The following PPP2R2A variants were observed in gnomAD, a reference collection of about 807,000 sequenced individuals.
PPP2R2A encodes the protein protein phosphatase 2 regulatory subunit Balpha.
PPP2R2A carries 9 observed loss-of-function variants against 53.2 expected under a neutral mutation model. The ratio of observed to expected loss-of-function variants is 0.17; its 90% CI spans 0.10 to 0.30. The LOEUF (loss-of-function observed/expected upper bound fraction) is 0.30. PPP2R2A is among the 10% of genes least tolerant of loss of function. The pLI is 1.00. For synonymous variants in PPP2R2A, 169 were observed against 174.2 expected (o/e 0.97, Z 0.23); for missense variants, 235 against 534.6 (o/e 0.44, Z 5.53).
chr8:26,300,003 ACAGT>A (rs1279504228), intron 2 of PPP2R2A, among the ~76,000 whole-genome samples: 3 of 152,236 alleles, frequency 2.0e-5, no homozygotes, highest in African/African-American at 7.2e-5. Context: ...CTCACTCAGT[ACAGT>A]CACTTAAAGT....
At chr8:26,299,931 C>T (rs1006898713) in intron 2 of PPP2R2A, among the ~76,000 whole-genome samples, 6 of 152,076 alleles carry the variant, frequency 3.9e-5, no homozygotes, top group African/African-American at 1.4e-4. Context: ...ATATCCTTAC[C>T]TTGTATGACA....
chr8:26,331,741 G>T (rs1230577297), intron 2 of PPP2R2A, among the ~76,000 whole-genome samples: 1 of 152,176 alleles, frequency 6.6e-6, no homozygotes, highest in Non-Finnish European at 1.5e-5. Flanking sequence ...GCAGCCCTTT[G>T]TGGCAGTATT....
At chr8:26,368,846 C>T (rs1380699346) in intron 9 of PPP2R2A, among the ~76,000 whole-genome samples, 1 of 152,118 alleles carries the variant, frequency 6.6e-6, no homozygotes, top group African/African-American at 2.4e-5. Flanking sequence ...GTGGCTCACG[C>T]CTGTAATCCC....
intron 2 of PPP2R2A, among the ~76,000 whole-genome samples, chr8:26,326,094 C>A (rs1444593742): frequency 6.6e-6 from 1 of 152,188 alleles, no homozygotes; most frequent in African/African-American, 2.4e-5. Flanking sequence ...ACTTTGGCCT[C>A]CCAAAATGCT....
rs1241450223 is a variant in PPP2R2A at position 26,372,440 on chromosome 8, TTTGA to T, written c.*2033_*2036del. The T allele has an allele frequency of 6.6e-6, 1 of 152,206 alleles. No individual in the cohort carries two copies. Among genetic ancestry groups the T allele is most frequent in the Non-Finnish European group, 1.5e-5 (1 of 68,038 alleles). The allele number at this position is 152,206 out of a possible 1,614,324, so 9.4% of individuals were successfully genotyped here. ...ACCAAACAGCTCTCAGAAATTCTTT[TTTGA>T]TTGATCAGTAGCTATGATGATTCTC... On this transcript the variant is annotated 3_prime_UTR_variant, in exon 10 of 10. Transcript: ENST00000380737.
chr8:26,370,787 C>A lies in PPP2R2A; in HGVS notation c.*374C>A. 1 of 244,380 alleles carries A rather than the reference C, an allele frequency of 4.1e-6. No individual in the cohort carries two copies. Among genetic ancestry groups the A allele is most frequent in the Non-Finnish European group, 8.1e-6 (1 of 122,738 alleles). The allele number at this position is 244,380 out of a possible 1,614,324, so 15.1% of individuals were successfully genotyped here. A position where few individuals can be genotyped will look rare whatever the true frequency, so the allele number is the denominator to read the frequency against. Reference sequence around the variant, plus strand: ...CATGCTATGGGATTTAATTGTGTATCCTCATTACTGTATCATTTGTGGGGT... The same window carrying A: ...CATGCTATGGGATTTAATTGTGTATACTCATTACTGTATCATTTGTGGGGT... On this transcript the variant is annotated 3_prime_UTR_variant, in exon 10 of 10. Transcript: ENST00000380737. The surrounding 1 kb of genome is among the most constrained non-coding windows in gnomAD (Gnocchi z 6.1).
At chr8:26,322,944 A>G (rs1265363712) in intron 2 of PPP2R2A, among the ~76,000 whole-genome samples, 1 of 152,236 alleles carries the variant, frequency 6.6e-6, no homozygotes, top group Non-Finnish European at 1.5e-5. Flanking sequence ...ACCAAGTTTC[A>G]TTCTCAGCCC....
intron 2 of PPP2R2A, among the ~76,000 whole-genome samples, chr8:26,320,409 G>C (rs778936841): frequency 6.6e-6 from 1 of 152,216 alleles, no homozygotes; most frequent in Non-Finnish European, 1.5e-5. Context: ...GCTATTGGGA[G>C]AGGGTAAAAG....
At chr8:26,351,470 A>G (rs1804508940) in intron 3 of PPP2R2A, among the ~76,000 whole-genome samples, 1 of 152,258 alleles carries the variant, frequency 6.6e-6, no homozygotes, top group Non-Finnish European at 1.5e-5. Context: ...CTAGTGCTCA[A>G]CATGACTAGT....
intron 2 of PPP2R2A, among the ~76,000 whole-genome samples, chr8:26,296,848 T>G (rs1209720442): frequency 6.6e-6 from 1 of 152,180 alleles, no homozygotes; most frequent in African/African-American, 2.4e-5. Context: ...AAAATAAAAA[T>G]TTAAAACGCT....
intron 9 of PPP2R2A, among the ~76,000 whole-genome samples, chr8:26,368,265 T>C (rs1268362395): frequency 6.6e-6 from 1 of 152,232 alleles, no homozygotes; most frequent in African/African-American, 2.4e-5. Context: ...CATTACTAAA[T>C]AGATAATAAT....
intron 2 of PPP2R2A, among the ~76,000 whole-genome samples, chr8:26,310,946 A>G (rs1802264232): frequency 6.6e-6 from 1 of 152,164 alleles, no homozygotes; most frequent in South Asian, 2.1e-4. Context: ...TCTGAATCAT[A>G]CATTGTAGTG....
chr8:26,341,820 G>A (rs1803957519), intron 3 of PPP2R2A, among the ~76,000 whole-genome samples: 1 of 152,136 alleles, frequency 6.6e-6, no homozygotes, highest in Admixed American at 6.5e-5. Context: ...GTCTTTACTT[G>A]GAAGAAGAAG....
intron 3 of PPP2R2A, among the ~76,000 whole-genome samples, chr8:26,352,709 AGTAGACCT>A (rs1453720044): frequency 6.6e-6 from 1 of 152,202 alleles, no homozygotes; most frequent in Non-Finnish European, 1.5e-5. Context: ...TACCATGTTT[AGTAGACCT>A]GTGTTGTTGT....
rs1805655925 is a variant in PPP2R2A at position 26,371,295 on chromosome 8, C to T, written c.*882C>T. On this transcript the variant is annotated 3_prime_UTR_variant, in exon 10 of 10. Coordinates refer to ENST00000380737, the MANE Select transcript of PPP2R2A (RefSeq NM_002717.4). ...ATGCAGGAGGAGAGGTATTGGTTCT[C>T]TATGAACATATTTTGAATATAGGTT... The T allele has an allele frequency of 6.7e-6, 1 of 148,796 alleles. No homozygotes were observed. Among genetic ancestry groups the T allele is most frequent in the Non-Finnish European group, 1.5e-5 (1 of 67,536 alleles). 9.2% of individuals were successfully genotyped at this position (148,796 alleles called of 1,614,324 possible).
chr8:26,336,141 G>A (rs1441257611), intron 2 of PPP2R2A, among the ~76,000 whole-genome samples: 1 of 152,082 alleles, frequency 6.6e-6, no homozygotes, highest in Non-Finnish European at 1.5e-5. Context: ...TAAGGGCTGG[G>A]TGTTGTGTTT....
intron 3 of PPP2R2A, among the ~76,000 whole-genome samples, chr8:26,353,973 C>T (rs947691030): frequency 1.2e-4 from 18 of 151,812 alleles, no homozygotes; most frequent in African/African-American, 2.9e-4. Flanking sequence ...CTTTCAGCAG[C>T]GAAATAACCA....
At chr8:26,324,044 A>G (rs1258878133) in intron 2 of PPP2R2A, among the ~76,000 whole-genome samples, 3 of 152,140 alleles carry the variant, frequency 2.0e-5, no homozygotes, top group African/African-American at 7.2e-5. Flanking sequence ...CATTGCCACC[A>G]TTTGTCTTAC....
intron 2 of PPP2R2A, among the ~76,000 whole-genome samples, chr8:26,310,578 A>G (rs1435611136): frequency 6.6e-6 from 1 of 151,876 alleles, no homozygotes; most frequent in Non-Finnish European, 1.5e-5. Context: ...TGTAAAGATC[A>G]TGATGAACAT....
Sources: gnomAD v4.1 joint callset for allele counts (sites outside exome capture counted in the v4.1 genomes callset) on GRCh38, gnomAD v4.1.1 for gene constraint, Gnocchi (gnomAD v3.1) non-coding constraint, MANE v1.5 for transcripts, NCBI Gene and HGNC (gene_info 2026-07-23, HGNC 2026-07-21) for gene names.